Variants in YWHAE observed in about 807,000 individuals in gnomAD.
YWHAE encodes tyrosine 3-monooxygenase/tryptophan 5-monooxygenase activation protein epsilon.
Under a neutral mutation model 30.1 loss-of-function variants are expected in YWHAE, and 4 were observed. The ratio of observed to expected loss-of-function variants is 0.13; its 90% CI spans 0.07 to 0.30. The LOEUF (loss-of-function observed/expected upper bound fraction) is 0.30, where lower values mean the gene tolerates loss of function less well. Ranked by LOEUF, YWHAE falls within the 10% of genes least tolerant of loss-of-function variation. The pLI, the probability that YWHAE is intolerant of heterozygous loss-of-function variation, is 1.00. For missense variants in YWHAE, 121 were observed against 315.9 expected (o/e 0.38, Z 4.68); for synonymous variants, 118 against 111.8 (o/e 1.06, Z -0.35).
Position 1,399,815 on chromosome 17 carries a change from C to A in YWHAE, c.64+232G>T, listed in dbSNP as rs1030553363. 8.4e-6 allele frequency: 5 copies of A among 592,168 alleles called. No individual in the cohort carries two copies. In the African/African-American group the frequency reaches 9.5e-5, roughly 11 times the overall value. The allele number at this position is 592,168 out of a possible 1,614,324, so 36.7% of individuals were successfully genotyped here. A position where few individuals can be genotyped will look rare whatever the true frequency, so the allele number is the denominator to read the frequency against. ...CAACCAACTCCTCCACCCCGTCGCCCCGGCCTCCCGGCCCGCGAGTTGTTT... is the reference window on the plus strand; with the variant it reads ...CAACCAACTCCTCCACCCCGTCGCCACGGCCTCCCGGCCCGCGAGTTGTTT... On this transcript the variant is annotated intron_variant, in intron 1 of 5. Transcript: ENST00000264335.
chr17:1,364,239 T>A (rs1225339398), intron 2 of YWHAE, among the ~76,000 whole-genome samples: 1 of 151,902 alleles, frequency 6.6e-6, no homozygotes, highest in Non-Finnish European at 1.5e-5. Context: ...CTTTTTTTTT[T>A]TTTTAGATGG....
At chr17:1,366,824 C>G (rs1225557046) in intron 1 of YWHAE, among the ~76,000 whole-genome samples, 1 of 152,030 alleles carries the variant, frequency 6.6e-6, no homozygotes, top group African/African-American at 2.4e-5. Context: ...CGCTTGTAAT[C>G]CCAGCTACCA....
At chr17:1,383,399 T>C (rs2073247481) in intron 1 of YWHAE, among the ~76,000 whole-genome samples, 1 of 151,550 alleles carries the variant, frequency 6.6e-6, no homozygotes, top group East Asian at 1.9e-4. Context: ...CTTTTTTTTT[T>C]TTTTTTGAGA....
intron 1 of YWHAE, among the ~76,000 whole-genome samples, chr17:1,389,997 C>G (rs1030397165): frequency 3.9e-5 from 6 of 152,138 alleles, no homozygotes; most frequent in African/African-American, 1.4e-4. Context: ...GCGCCTGCCA[C>G]CACTTCAAGC....
At chr17:1,353,740 G>A (rs1419131977) in intron 5 of YWHAE, among the ~76,000 whole-genome samples, 1 of 143,620 alleles carries the variant, frequency 7.0e-6, no homozygotes, top group Non-Finnish European at 1.5e-5. Flanking sequence ...CTCCAGCCTG[G>A]GTGTCGCAGC....
At chr17:1,352,837 CATT>C (rs988879526) in intron 5 of YWHAE, among the ~76,000 whole-genome samples, 4 of 152,186 alleles carry the variant, frequency 2.6e-5, no homozygotes, top group Non-Finnish European at 4.4e-5. Flanking sequence ...GCCTTAGAAA[CATT>C]CTTAAAGGAA....
intron 1 of YWHAE, among the ~76,000 whole-genome samples, chr17:1,370,340 C>T (rs1448460820): frequency 2.0e-5 from 3 of 151,270 alleles, no homozygotes; most frequent in Admixed American, 6.6e-5. Flanking sequence ...ACCATGTTAG[C>T]CAGGACGGTC....
intron 1 of YWHAE, 29 bp downstream of exon 1, chr17:1,400,018 T>TCCAGGCCCCC: frequency 6.2e-7 from 1 of 1,611,022 alleles, no homozygotes; most frequent in Non-Finnish European, 8.5e-7. Flanking sequence ...GTCCGAGAAT[T>TCCAGGCCCCC]CCAGCCCCCC....
intron 1 of YWHAE, among the ~76,000 whole-genome samples, chr17:1,390,564 C>T (rs2150876417): frequency 6.6e-6 from 1 of 152,296 alleles, no homozygotes; most frequent in South Asian, 2.1e-4. Flanking sequence ...AATTTCATAA[C>T]CACCCTGCAA....
intron 1 of YWHAE, 200 bp downstream of exon 1, chr17:1,399,847 A>T (rs1054117074): frequency 3.5e-6 from 2 of 570,372 alleles, no homozygotes; most frequent in East Asian, 3.6e-5. Context: ...GTTTGCAGTT[A>T]AGGACGGCGA....
intron 1 of YWHAE, among the ~76,000 whole-genome samples, chr17:1,394,689 A>G (rs544684275): frequency 4.6e-5 from 7 of 152,076 alleles, no homozygotes; most frequent in Non-Finnish European, 8.8e-5. Flanking sequence ...AATTTAGGCC[A>G]GGTACAGTGG....
intron 1 of YWHAE, among the ~76,000 whole-genome samples, chr17:1,381,910 C>CAAAAAAA (rs397754278): frequency 2.3e-4 from 10 of 43,908 alleles, no homozygotes; most frequent in African/African-American, 3.5e-4. Flanking sequence ...GACACTATGT[C>CAAAAAAA]AAAAAAAAAA....
chr17:1,381,377 G>A (rs923082803), intron 1 of YWHAE, among the ~76,000 whole-genome samples: 2 of 151,918 alleles, frequency 1.3e-5, no homozygotes, highest in Non-Finnish European at 2.9e-5. Flanking sequence ...TTAGCCAGGC[G>A]TGGTGGCTGT....
At chr17:1,359,812 T>TTGTGTGTGTGTGTG (rs59650315) in intron 4 of YWHAE, among the ~76,000 whole-genome samples, 16 of 130,718 alleles carry the variant, frequency 1.2e-4, no homozygotes, top group African/African-American at 3.0e-4. Context: ...CACTAAATTG[T>TTGTGTGTGTGTGTG]TGTGTGTGTG....
At chr17:1,389,314 A>G (rs1159912525) in intron 1 of YWHAE, among the ~76,000 whole-genome samples, 1 of 152,198 alleles carries the variant, frequency 6.6e-6, no homozygotes, top group Non-Finnish European at 1.5e-5. Context: ...AGGTGTTCAC[A>G]ACAACCACTC....
chr17:1,369,618 C>T (rs1175041374), intron 1 of YWHAE: 2 of 152,148 alleles, frequency 1.3e-5, no homozygotes, highest in Non-Finnish European at 2.9e-5. Context: ...CCATCAATTC[C>T]CATGTACCCG....
intron 4 of YWHAE, among the ~76,000 whole-genome samples, chr17:1,355,148 A>AAAAAAAAAT (rs1555639303): frequency 3.5e-4 from 27 of 76,828 alleles, no homozygotes; most frequent in Non-Finnish European, 6.4e-4. Context: ...AAAAAAAAAA[A>AAAAAAAAAT]TTTTTTTTTT....
chr17:1,369,256 G>A (rs2072993166), intron 1 of YWHAE, among the ~76,000 whole-genome samples: 1 of 152,120 alleles, frequency 6.6e-6, no homozygotes, highest in Non-Finnish European at 1.5e-5. Context: ...TAAACCTTGG[G>A]AGGCCGAGGT....
chr17:1,387,050 G>C (rs189048394), intron 1 of YWHAE, among the ~76,000 whole-genome samples: 1 of 151,920 alleles, frequency 6.6e-6, no homozygotes, highest in Non-Finnish European at 1.5e-5. Flanking sequence ...AGGTTAAAAA[G>C]AAACAAAAAC....
Sources: allele counts gnomAD v4.1 joint callset (sites outside exome capture counted in the v4.1 genomes callset), GRCh38; gene constraint gnomAD v4.1.1; transcripts MANE v1.5; gene names NCBI Gene and HGNC (gene_info 2026-07-23, HGNC 2026-07-21).